Variants in KCNIP4 observed in about 807,000 individuals in gnomAD.
KCNIP4 encodes the protein Kv channel-interacting protein 4.
A neutral mutation model predicts 34.0 loss-of-function variants in KCNIP4; 12 were observed. That is an observed-to-expected ratio of 0.35 (90% confidence interval 0.23 to 0.57). The LOEUF is 0.57. Ranked by LOEUF, KCNIP4 falls within the 20% of genes least tolerant of loss-of-function variation. KCNIP4 has a pLI of 0.83. For synonymous variants in KCNIP4, 124 were observed against 102.2 expected, an observed-to-expected ratio of 1.21 and a Z score of -1.29; for missense variants, 238 against 311.7, an observed-to-expected ratio of 0.76 and a Z score of 1.78.
intron 1 of KCNIP4, among the ~76,000 whole-genome samples, chr4:21,615,542 C>T (rs7683386): frequency 0.2 from 29,871 of 147,300 alleles, 3,122 homozygotes; most frequent in South Asian, 0.27. Flanking sequence ...CGAGACTCCG[C>T]CTCAAAAAAA....
At chr4:21,802,551 A>G (rs1346492585) in intron 1 of KCNIP4, among the ~76,000 whole-genome samples, 1 of 152,216 alleles carries the variant, frequency 6.6e-6, no homozygotes, top group East Asian at 1.9e-4. Context: ...TGTACATCAT[A>G]ATAGAAACAG....
intron 1 of KCNIP4, among the ~76,000 whole-genome samples, chr4:21,187,006 T>G (rs1755281033): frequency 6.6e-6 from 1 of 152,174 alleles, no homozygotes; most frequent in Admixed American, 6.6e-5. Flanking sequence ...TATCCTATTT[T>G]AGGGTAGCAT....
intron 1 of KCNIP4, among the ~76,000 whole-genome samples, chr4:21,151,575 T>C (rs1168654502): frequency 6.6e-6 from 1 of 151,998 alleles, no homozygotes; most frequent in Non-Finnish European, 1.5e-5. Context: ...CTTTGGTTTA[T>C]AGGGGGACCA....
chr4:21,599,949 G>C (rs1452990102), intron 1 of KCNIP4, among the ~76,000 whole-genome samples: 1 of 152,060 alleles, frequency 6.6e-6, no homozygotes, highest in African/African-American at 2.4e-5. Flanking sequence ...TGATTCACTA[G>C]ATCTGGGTAG....
intron 1 of KCNIP4, among the ~76,000 whole-genome samples, chr4:21,321,154 T>C (rs1343332948): frequency 6.6e-6 from 1 of 152,102 alleles, no homozygotes; most frequent in South Asian, 2.1e-4. Flanking sequence ...ACTGGCAAGA[T>C]AAAGAGCCAT....
At chr4:21,001,020 C>A (rs1738084192) in intron 1 of KCNIP4, among the ~76,000 whole-genome samples, 1 of 152,020 alleles carries the variant, frequency 6.6e-6, no homozygotes, top group South Asian at 2.1e-4. Flanking sequence ...CTTGTTTTTC[C>A]CACTAGGCTC....
Position 21,921,005 on chromosome 4 carries a change from T to C in KCNIP4, c.61+27566A>G, listed in dbSNP as rs554894153. ...TGCTGTCTCTCTAATCATTGGACTTTTACTTTTAAGGCCAGCTTTACAAGA... is the reference window on the plus strand; with the variant it reads ...TGCTGTCTCTCTAATCATTGGACTTCTACTTTTAAGGCCAGCTTTACAAGA... On this transcript the variant is annotated intron_variant, in intron 1 of 8. Transcript: ENST00000382152. 9.9e-4 allele frequency among the ~76,000 whole-genome samples: 151 copies of C among 152,302 alleles called. 1 individual carries two copies. Among genetic ancestry groups the C allele is most frequent in the Non-Finnish European group, 1.3e-3 (89 of 68,024 alleles).
chr4:21,888,679 A>G (rs58741960), intron 1 of KCNIP4, among the ~76,000 whole-genome samples: 47,823 of 151,874 alleles, frequency 0.31, 7,912 homozygotes, highest in African/African-American at 0.42. Flanking sequence ...CTGTGTCATT[A>G]CATTCACCAT....
chr4:21,643,901 T>TAGAC, intron 1 of KCNIP4, among the ~76,000 whole-genome samples: 1 of 142,006 alleles, frequency 7.0e-6, no homozygotes, highest in East Asian at 3.1e-4. Flanking sequence ...GATAGATAGA[T>TAGAC]AGATAGATAG....
At chr4:21,700,202 C>A (rs75324936) in intron 1 of KCNIP4, among the ~76,000 whole-genome samples, 14 of 152,280 alleles carry the variant, frequency 9.2e-5, no homozygotes, top group Admixed American at 2.0e-4. Context: ...ACATTCCCAA[C>A]AACAGTATAT....
intron 1 of KCNIP4, among the ~76,000 whole-genome samples, chr4:21,474,650 A>G (rs1730765899): frequency 1.3e-5 from 2 of 152,150 alleles, no homozygotes; most frequent in South Asian, 4.1e-4. Context: ...AGGAAGGGGC[A>G]GAACAGAAAG....
chr4:21,601,211 T>C (rs1743117421), intron 1 of KCNIP4, among the ~76,000 whole-genome samples: 1 of 152,014 alleles, frequency 6.6e-6, no homozygotes, highest in Non-Finnish European at 1.5e-5. Context: ...AAACCAAATC[T>C]GATTATGCCA....
chr4:21,536,829 A>G (rs1737216533), intron 1 of KCNIP4, among the ~76,000 whole-genome samples: 1 of 152,100 alleles, frequency 6.6e-6, no homozygotes, highest in Non-Finnish European at 1.5e-5. Context: ...TTATCTCTAT[A>G]TTAAAAAATA....
intron 1 of KCNIP4, among the ~76,000 whole-genome samples, chr4:21,518,884 C>T (rs1247035367): frequency 1.3e-5 from 2 of 152,054 alleles, no homozygotes; most frequent in African/African-American, 2.4e-5. Flanking sequence ...AAATCATGTT[C>T]AGTTTAAGTA....
chr4:21,467,117 C>A (rs397832410), intron 1 of KCNIP4, among the ~76,000 whole-genome samples: 3 of 124,574 alleles, frequency 2.4e-5, no homozygotes, highest in African/African-American at 3.0e-5. Context: ...CACACACACA[C>A]AAAACAGAAC....
At chr4:21,384,185 C>T (rs1721802539) in intron 1 of KCNIP4, among the ~76,000 whole-genome samples, 1 of 152,140 alleles carries the variant, frequency 6.6e-6, no homozygotes, top group Admixed American at 6.5e-5. Context: ...TCCCTCCACT[C>T]CTCTATGGAA....
At chr4:20,733,410 A>G (rs1434356981) in intron 6 of KCNIP4, among the ~76,000 whole-genome samples, 5 of 152,218 alleles carry the variant, frequency 3.3e-5, no homozygotes, top group Non-Finnish European at 5.9e-5. Flanking sequence ...AGTAAAAATA[A>G]TCTCTAATAA....
At chr4:20,955,458 TTGTG>T (rs1488687527) in intron 1 of KCNIP4, among the ~76,000 whole-genome samples, 1 of 152,170 alleles carries the variant, frequency 6.6e-6, no homozygotes, top group Non-Finnish European at 1.5e-5. Context: ...CAGTCTGCCC[TTGTG>T]TGGTTCCCTC....
intron 1 of KCNIP4, among the ~76,000 whole-genome samples, chr4:21,657,167 T>C (rs1435721930): frequency 2.6e-5 from 4 of 152,232 alleles, no homozygotes; most frequent in Non-Finnish European, 5.9e-5. Flanking sequence ...GAAAGCACTA[T>C]TGAGACTTTT....
Sources: gnomAD v4.1 joint callset for allele counts (sites outside exome capture counted in the v4.1 genomes callset) on GRCh38, gnomAD v4.1.1 for gene constraint, MANE v1.5 for transcripts, NCBI Gene and HGNC (gene_info 2026-07-23, HGNC 2026-07-21) for gene names.